ZZEF1: variants seen among roughly 807,000 people sequenced by gnomAD.
ZZEF1 encodes the protein zinc finger ZZ-type and EF-hand domain containing 1.
A neutral mutation model predicts 342.8 loss-of-function variants in ZZEF1; 157 were observed. The observed-to-expected ratio is 0.46, with a 90% CI of 0.40 to 0.52. The LOEUF (loss-of-function observed/expected upper bound fraction) is 0.52, where lower values mean the gene tolerates loss of function less well. Ranked by LOEUF, ZZEF1 falls within the 20% of genes least tolerant of loss-of-function variation. The probability of loss-of-function intolerance (pLI) is 0.00; values close to 1 mark genes in which losing one functional copy is unlikely to be tolerated. For missense variants in ZZEF1, 3,480 were observed against 3,725.6 expected, an observed-to-expected ratio of 0.93 and a Z score of 1.72; for synonymous variants, 1,505 against 1,429.1, an observed-to-expected ratio of 1.05 and a Z score of -1.20.
intron 4 of ZZEF1, among the ~76,000 whole-genome samples, chr17:4,113,013 G>C (rs999083536): frequency 6.6e-6 from 1 of 152,158 alleles, no homozygotes; most frequent in East Asian, 1.9e-4. Flanking sequence ...TTCAGTTCAA[G>C]ATTAATCTTA....
At chr17:4,029,874 CAAAAAAAA>C (rs58293642) in intron 42 of ZZEF1, among the ~76,000 whole-genome samples, 2 of 82,246 alleles carry the variant, frequency 2.4e-5, no homozygotes, top group African/African-American at 3.9e-5. Context: ...AACTCCATCT[CAAAAAAAA>C]AAAAAAAAAA....
chr17:4,018,385 G>A (rs999459976), intron 46 of ZZEF1, among the ~76,000 whole-genome samples: 9 of 151,966 alleles, frequency 5.9e-5, no homozygotes, highest in Non-Finnish European at 1.2e-4. Flanking sequence ...TAGTAGCTGC[G>A]ATTACAGGCT....
At chr17:4,051,310 T>C (rs1319910299) in intron 35 of ZZEF1, among the ~76,000 whole-genome samples, 1 of 152,192 alleles carries the variant, frequency 6.6e-6, no homozygotes, top group Non-Finnish European at 1.5e-5. Flanking sequence ...TATTGTGATT[T>C]TGGAAGGTGT....
chr17:4,044,157 G>T (rs2056860578), intron 38 of ZZEF1, 67 bp downstream of exon 38: 2 of 1,560,664 alleles, frequency 1.3e-6, no homozygotes, highest in Admixed American at 3.5e-5. Flanking sequence ...GCCACAAACA[G>T]CTCAGGGATG....
intron 1 of ZZEF1, among the ~76,000 whole-genome samples, chr17:4,126,654 A>AT (rs2145566111): frequency 6.6e-6 from 1 of 152,286 alleles, no homozygotes; most frequent in Admixed American, 6.5e-5. Flanking sequence ...TAAAAAGCCT[A>AT]TTTTAAAAAG....
At position 4,009,669 on chromosome 17, in the gene ZZEF1, C is replaced by T. The variant is rs374447059; in HGVS notation, c.8668G>A (p.Gly2890Ser). Reference sequence around the variant, plus strand: ...GCACGATGCAGGGGAAGGAGGATGCCGGGCTGCGTCACGTCCTCAAACAGG... The same window carrying T: ...GCACGATGCAGGGGAAGGAGGATGCTGGGCTGCGTCACGTCCTCAAACAGG... Reference protein sequence around the residue: ...YGLFEDVTQPGILLPLHRALT... With the variant: ...YGLFEDVTQPSILLPLHRALT... Residue 2890 changes from glycine to serine, a missense_variant, in exon 53 of 55, where the codon GGC becomes AGC. By Grantham distance (56) the Gly-to-Ser change is moderately conservative. Around this residue, in one of 5 missense-constraint regions of ZZEF1, gnomAD observed 1,269 missense variants for 1,342.4 expected, o/e 0.95. Coordinates refer to ENST00000381638, the MANE Select transcript of ZZEF1 (RefSeq NM_015113.4). The T allele has an allele frequency of 3.8e-5, 62 of 1,613,918 alleles. No homozygotes were observed. The highest frequency in any genetic ancestry group is 3.0e-4 in the Admixed American group (18 of 59,996).
At chr17:4,009,363 C>CT (rs2055884820) in intron 53 of ZZEF1, 3 of 598,910 alleles carry the variant, frequency 5.0e-6, no homozygotes, top group Non-Finnish European at 8.9e-6. Flanking sequence ...GGGCTGATCC[C>CT]GGGCAGTTTC....
intron 37 of ZZEF1, among the ~76,000 whole-genome samples, chr17:4,045,111 G>A (rs959011558): frequency 6.6e-6 from 1 of 151,988 alleles, no homozygotes. Flanking sequence ...CCGAGATTGC[G>A]CCACTGCACT....
chr17:4,069,395 TTTTG>T (rs1157324394), intron 26 of ZZEF1, among the ~76,000 whole-genome samples: 2 of 152,224 alleles, frequency 1.3e-5, no homozygotes, highest in Admixed American at 6.5e-5. Context: ...CTCAACACAG[TTTTG>T]TTTATTTGAG....
rs190679928 is a variant in ZZEF1, at chr17:4,036,357, C to G, written c.6307-2065G>C. 1.8e-3 allele frequency among the ~76,000 whole-genome samples: 270 copies of G among 152,192 alleles called. 2 individuals are homozygous for G. Among genetic ancestry groups the G allele is most frequent in the African/African-American group, 6.1e-3 (252 of 41,528 alleles). ...CTATAGTGTAGACTCCGCTAGAATT[C>G]CAGGAGCATTCCCTGAGTTGTGACA... On this transcript the variant is annotated intron_variant, in intron 39 of 54. Transcript: ENST00000381638.
At chr17:4,024,299 G>C (rs1331061022) in intron 43 of ZZEF1, among the ~76,000 whole-genome samples, 1 of 147,216 alleles carries the variant, frequency 6.8e-6, no homozygotes, top group East Asian at 2.0e-4. Context: ...CCGGGTTCAA[G>C]TGATTCTCAT....
At chr17:4,023,962 A>G (rs1022911894) in intron 43 of ZZEF1, among the ~76,000 whole-genome samples, 1 of 152,226 alleles carries the variant, frequency 6.6e-6, no homozygotes, top group Non-Finnish European at 1.5e-5. Context: ...CACTGAGGCC[A>G]GCTGCTGTGG....
intron 1 of ZZEF1, among the ~76,000 whole-genome samples, chr17:4,128,768 ATTTTTTTT>A (rs71144169): frequency 2.0e-5 from 2 of 98,236 alleles, no homozygotes; most frequent in African/African-American, 7.5e-5. Flanking sequence ...GGCCAAAATC[ATTTTTTTT>A]TTTTTTTTTT....
intron 39 of ZZEF1, among the ~76,000 whole-genome samples, chr17:4,040,457 A>G (rs967288628): frequency 2.0e-5 from 3 of 152,216 alleles, no homozygotes; most frequent in Non-Finnish European, 1.5e-5. Context: ...AAAATTACAG[A>G]TAATTTGCAC....
At chr17:4,074,402 T>C (rs1348338392) in intron 23 of ZZEF1, 51 bp from the exon 24 acceptor site, 2 of 1,569,528 alleles carry the variant, frequency 1.3e-6, no homozygotes, top group Admixed American at 3.3e-5. Flanking sequence ...GAGGAGTGCT[T>C]CAGAAATCAG....
chr17:4,141,495 A>G (rs1440819637), intron 1 of ZZEF1, among the ~76,000 whole-genome samples: 1 of 152,214 alleles, frequency 6.6e-6, no homozygotes, highest in Non-Finnish European at 1.5e-5. Flanking sequence ...TAAAAGAAAT[A>G]GGATCCCAGG....
At position 4,016,725 on chromosome 17, in the gene ZZEF1, T is replaced by C. The variant is rs1567762407; in HGVS notation, c.8002-259A>G. The C allele has an allele frequency of 9.8e-6, 4 of 407,336 alleles. No individual in the cohort carries two copies. The East Asian group carries it at 1.7e-4, about 17-fold the overall frequency. The allele number at this position is 407,336 out of a possible 1,614,324, so 25.2% of individuals were successfully genotyped here. A position where few individuals can be genotyped will look rare whatever the true frequency, so the allele number is the denominator to read the frequency against. ...CTGAAAGAACTAACTGAACCAATCA[T>C]AAAGGGTCCTGGTCCTTGAAGGAGT... On this transcript the variant is annotated intron_variant, in intron 48 of 54. Coordinates refer to ENST00000381638, the MANE Select transcript of ZZEF1 (RefSeq NM_015113.4). The surrounding 1 kb of genome is among the most constrained non-coding windows in gnomAD (Gnocchi z 4.4).
At chr17:4,065,056 TGTAG>T (rs2057366260) in intron 28 of ZZEF1, among the ~76,000 whole-genome samples, 1 of 152,142 alleles carries the variant, frequency 6.6e-6, no homozygotes, top group Admixed American at 6.5e-5. Flanking sequence ...TGCCTACTTC[TGTAG>T]AGAAAATAAG....
chr17:4,007,548 G>C (rs550909454), intron 54 of ZZEF1, among the ~76,000 whole-genome samples: 35 of 152,282 alleles, frequency 2.3e-4, no homozygotes, highest in Admixed American at 7.2e-4. Context: ...ATGGAGACTG[G>C]ACAGGGGCAG....
Sources: gnomAD v4.1 joint callset for allele counts (sites outside exome capture counted in the v4.1 genomes callset) on GRCh38, gnomAD v4.1.1 for gene constraint, gnomAD v4.1.1 regional missense constraint, Gnocchi (gnomAD v3.1) non-coding constraint, MANE v1.5 for transcripts, NCBI Gene and HGNC (gene_info 2026-07-23, HGNC 2026-07-21) for gene names.